The following ARHGAP42 variants were observed in gnomAD, a reference collection of about 807,000 sequenced individuals.
ARHGAP42 encodes Rho GTPase activating protein 42.
Under a neutral mutation model 125.0 loss-of-function variants are expected in ARHGAP42, and 63 were observed. The observed-to-expected ratio is 0.50, with a 90% CI of 0.41 to 0.62. ARHGAP42 has a LOEUF of 0.62. Ranked by LOEUF, ARHGAP42 falls within the 20% of genes least tolerant of loss-of-function variation. The probability of loss-of-function intolerance (pLI) is 0.00; values close to 1 mark genes in which losing one functional copy is unlikely to be tolerated. For synonymous variants in ARHGAP42, 339 were observed against 351.0 expected, an observed-to-expected ratio of 0.97 and a Z score of 0.38; for missense variants, 766 against 1,024.2, an observed-to-expected ratio of 0.75 and a Z score of 3.44.
intron 3 of ARHGAP42, among the ~76,000 whole-genome samples, chr11:100,817,385 A>T (rs185715792): frequency 5.9e-5 from 9 of 152,260 alleles, no homozygotes; most frequent in Admixed American, 2.0e-4. Context: ...TATCTGACTT[A>T]TAATTAGTTG....
At chr11:100,711,113 A>C (rs1466891948) in intron 1 of ARHGAP42, among the ~76,000 whole-genome samples, 5 of 152,346 alleles carry the variant, frequency 3.3e-5, no homozygotes, top group East Asian at 3.9e-4. Context: ...TCCAGAGCTT[A>C]GGACTGGTGA....
At chr11:100,839,172 G>A (rs995599491) in intron 3 of ARHGAP42, among the ~76,000 whole-genome samples, 5 of 152,208 alleles carry the variant, frequency 3.3e-5, no homozygotes, top group Admixed American at 1.3e-4. Context: ...AGAGTGACTT[G>A]ACAACTCTTG....
chr11:100,863,069 C>A (rs1282175660), intron 4 of ARHGAP42, among the ~76,000 whole-genome samples: 2 of 145,072 alleles, frequency 1.4e-5, no homozygotes, highest in African/African-American at 5.3e-5. Context: ...AACACACACA[C>A]ACACACACAC....
intron 16 of ARHGAP42, among the ~76,000 whole-genome samples, chr11:100,965,199 C>G (rs904826971): frequency 1.3e-5 from 2 of 152,124 alleles, no homozygotes; most frequent in African/African-American, 4.8e-5. Flanking sequence ...TGGGTCCCTC[C>G]CACAACACTT....
chr11:100,932,804 C>T (rs1281170653), intron 6 of ARHGAP42, among the ~76,000 whole-genome samples: 3 of 152,110 alleles, frequency 2.0e-5, no homozygotes, highest in Non-Finnish European at 4.4e-5. Context: ...CTTTTATCCC[C>T]TTGTTTTGAT....
At chr11:100,760,234 A>T (rs1406572541) in intron 1 of ARHGAP42, among the ~76,000 whole-genome samples, 1 of 152,170 alleles carries the variant, frequency 6.6e-6, no homozygotes, top group Non-Finnish European at 1.5e-5. Context: ...GCTGTTTCTG[A>T]CGTGCACAAT....
intron 6 of ARHGAP42, among the ~76,000 whole-genome samples, chr11:100,932,230 T>C (rs1002713659): frequency 1.3e-5 from 2 of 152,162 alleles, no homozygotes; most frequent in African/African-American, 4.8e-5. Flanking sequence ...TGCGTGTTAT[T>C]TACATGAGAA....
intron 2 of ARHGAP42, among the ~76,000 whole-genome samples, chr11:100,785,304 GC>G (rs1468697164): frequency 1.3e-5 from 2 of 152,172 alleles, no homozygotes. Flanking sequence ...GAATCAGGAG[GC>G]CGGGCCATCT....
At chr11:100,837,666 C>CTTTTTTTTTTCTTTTTTTTTTTT (rs1864831401) in intron 3 of ARHGAP42, among the ~76,000 whole-genome samples, 1 of 61,042 alleles carries the variant, frequency 1.6e-5, no homozygotes, top group Non-Finnish European at 3.0e-5. Flanking sequence ...AGGTGTCATC[C>CTTTTTTTTTTCTTTTTTTTTTTT]TTTTTTTTTT....
chr11:100,751,464 AT>A (rs201443872), intron 1 of ARHGAP42, among the ~76,000 whole-genome samples: 94 of 139,626 alleles, frequency 6.7e-4, no homozygotes, highest in African/African-American at 1.7e-3. Context: ...ATACTTTTTT[AT>A]TTTTTTTTTT....
At chr11:100,979,592 C>G (rs1203080863) in intron 22 of ARHGAP42, among the ~76,000 whole-genome samples, 1 of 152,036 alleles carries the variant, frequency 6.6e-6, no homozygotes, top group Non-Finnish European at 1.5e-5. Flanking sequence ...GTGCTTGCTT[C>G]TAAAGTTCCT....
At chr11:100,917,052 T>TGTGTGTGTGTG in intron 5 of ARHGAP42, among the ~76,000 whole-genome samples, 2 of 145,330 alleles carry the variant, frequency 1.4e-5, no homozygotes, top group African/African-American at 2.5e-5. Context: ...TGTGTGTGTG[T>TGTGTGTGTGTG]TACACATCAA....
intron 2 of ARHGAP42, 46 bp from the exon 3 acceptor site, chr11:100,795,059 G>A: frequency 7.2e-7 from 1 of 1,389,896 alleles, no homozygotes; most frequent in African/African-American, 1.5e-5. Flanking sequence ...TTAGATATTA[G>A]CTATGAAAAT....
At chr11:100,927,646 T>C (rs1178092903) in intron 6 of ARHGAP42, among the ~76,000 whole-genome samples, 1 of 152,194 alleles carries the variant, frequency 6.6e-6, no homozygotes, top group Non-Finnish European at 1.5e-5. Flanking sequence ...CTTTCTCTAT[T>C]ACAATTGAGC....
intron 1 of ARHGAP42, among the ~76,000 whole-genome samples, chr11:100,718,596 A>G (rs1260790375): frequency 6.6e-6 from 1 of 152,214 alleles, no homozygotes; most frequent in East Asian, 1.9e-4. Flanking sequence ...AAAGTTACAT[A>G]TAGGTAGGGA....
chr11:100,708,729 T>C (rs901194233), intron 1 of ARHGAP42, among the ~76,000 whole-genome samples: 2 of 152,162 alleles, frequency 1.3e-5, no homozygotes, highest in Non-Finnish European at 2.9e-5. Flanking sequence ...CTTAAAAAAA[T>C]ATAAATATTA....
chr11:100,958,800 C>G (rs1444931955), intron 12 of ARHGAP42, among the ~76,000 whole-genome samples: 1 of 152,022 alleles, frequency 6.6e-6, no homozygotes, highest in Non-Finnish European at 1.5e-5. Flanking sequence ...AGTAGTACCT[C>G]TAGTTCCATT....
chr11:100,767,322 A>C (rs1375313710), intron 1 of ARHGAP42, among the ~76,000 whole-genome samples: 1 of 152,200 alleles, frequency 6.6e-6, no homozygotes, highest in Non-Finnish European at 1.5e-5. Flanking sequence ...AGAGGCTATG[A>C]AACTTACCCA....
At chr11:100,953,798 A>C (rs76332043) in intron 12 of ARHGAP42, among the ~76,000 whole-genome samples, 14,064 of 152,274 alleles carry the variant, frequency 0.092, 941 homozygotes, top group Non-Finnish European at 0.13. Context: ...TCTGGTTGTA[A>C]AATATGCTGC....
Sources: allele counts gnomAD v4.1 joint callset (sites outside exome capture counted in the v4.1 genomes callset), GRCh38; gene constraint gnomAD v4.1.1; transcripts MANE v1.5; gene names NCBI Gene and HGNC (gene_info 2026-07-23, HGNC 2026-07-21).